The following SLC6A6 variants were observed in gnomAD, a reference collection of about 807,000 sequenced individuals.
The protein encoded by SLC6A6 is solute carrier family 6 member 6, also known as sodium- and chloride-dependent taurine transporter.
A neutral mutation model predicts 68.8 loss-of-function variants in SLC6A6; 16 were observed. The observed-to-expected ratio is 0.23, with a 90% CI of 0.16 to 0.35. The LOEUF (loss-of-function observed/expected upper bound fraction) is 0.35, where lower values mean the gene tolerates loss of function less well. Ranked by LOEUF, SLC6A6 falls within the 10% of genes least tolerant of loss-of-function variation. SLC6A6 has a pLI of 1.00. For synonymous variants in SLC6A6, 312 were observed against 315.4 expected (o/e 0.99, Z 0.12); for missense variants, 474 against 802.8 (o/e 0.59, Z 4.95).
At chr3:14,458,124 G>A (rs371021588) in intron 6 of SLC6A6, 42 bp downstream of exon 6, 2 of 1,596,142 alleles carry the variant, frequency 1.3e-6, no homozygotes, top group Non-Finnish European at 1.7e-6. Flanking sequence ...CTGGAGAGCT[G>A]TGCCAGGCTG....
At chr3:14,412,538 G>A (rs1000041706) in intron 1 of SLC6A6, among the ~76,000 whole-genome samples, 3 of 152,158 alleles carry the variant, frequency 2.0e-5, no homozygotes, top group Non-Finnish European at 4.4e-5. Context: ...AATTCGCCGG[G>A]TGTGGTGGCA....
rs1307452400 is a variant in SLC6A6, at chr3:14,425,317, G to A, written c.-12+8864G>A. On this transcript the variant is annotated intron_variant, in intron 2 of 14. Transcript: ENST00000622186. ...ACATAGGTGATGCAGCATAGGCAAA[G>A]GGTGGAACTAGGCAAACCTTATTTG... Among the ~76,000 whole-genome samples the A allele has an allele frequency of 5.9e-5, 9 of 152,178 alleles. No individual in the cohort carries two copies. The East Asian group carries it at 1.7e-3, about 29-fold the overall frequency.
At chr3:14,411,507 G>A (rs148612741) in intron 1 of SLC6A6, among the ~76,000 whole-genome samples, 6 of 152,320 alleles carry the variant, frequency 3.9e-5, no homozygotes, top group East Asian at 3.9e-4. Flanking sequence ...ACTTCAGCTC[G>A]CCCTGCTCTG....
intron 2 of SLC6A6, among the ~76,000 whole-genome samples, chr3:14,439,165 G>A (rs1162862211): frequency 1.3e-5 from 2 of 152,240 alleles, no homozygotes. Context: ...TGGGAACTCT[G>A]GCCTTGAGCC....
intron 9 of SLC6A6, among the ~76,000 whole-genome samples, chr3:14,471,223 A>C (rs9826660): frequency 0.12 from 17,154 of 138,336 alleles, 1,572 homozygotes; most frequent in African/African-American, 0.27. Flanking sequence ...CAATTAAATT[A>C]TTTCCGTTGG....
intron 7 of SLC6A6, 107 bp downstream of exon 7, chr3:14,466,757 C>T (rs1050887655): frequency 8.9e-7 from 1 of 1,121,440 alleles, no homozygotes; most frequent in Non-Finnish European, 1.2e-6. Flanking sequence ...CGTGGTTCTT[C>T]AGTGCACAGG....
intron 7 of SLC6A6, among the ~76,000 whole-genome samples, chr3:14,466,901 A>G (rs1399468842): frequency 6.6e-6 from 1 of 152,140 alleles, no homozygotes; most frequent in Non-Finnish European, 1.5e-5. Context: ...GGCCACTTAG[A>G]GAGGCTGCTT....
chr3:14,438,355 A>G (rs1013837495), intron 2 of SLC6A6, among the ~76,000 whole-genome samples: 1 of 152,106 alleles, frequency 6.6e-6, no homozygotes, highest in Non-Finnish European at 1.5e-5. Context: ...AAGCGGAGGC[A>G]CAGAGAGGTT....
intron 1 of SLC6A6, among the ~76,000 whole-genome samples, chr3:14,405,952 G>C (rs111506028): frequency 0.013 from 1,989 of 152,188 alleles, 23 homozygotes; most frequent in Admixed American, 0.027. Flanking sequence ...TGCAGTGAGG[G>C]TGGGGTAGTG....
At chr3:14,427,136 A>G (rs949296193) in intron 2 of SLC6A6, among the ~76,000 whole-genome samples, 1 of 152,140 alleles carries the variant, frequency 6.6e-6, no homozygotes, top group Admixed American at 6.5e-5. Context: ...TCTGTGCCTC[A>G]GAGTAGAAGC....
At chr3:14,410,140 G>T (rs924762182) in intron 1 of SLC6A6, among the ~76,000 whole-genome samples, 16 of 134,014 alleles carry the variant, frequency 1.2e-4, no homozygotes, top group African/African-American at 4.4e-4. Flanking sequence ...TCTCGCTACT[G>T]CCCTCCATCC....
chr3:14,444,344 A>G (rs1700063377), intron 3 of SLC6A6: 1 of 194,746 alleles, frequency 5.1e-6, no homozygotes, highest in Non-Finnish European at 1.1e-5. Flanking sequence ...TCATGCTCCA[A>G]AGGTATCCAG....
chr3:14,472,494 C>G lies in SLC6A6; in HGVS notation c.1209+177C>G, dbSNP rs902510014. Among the ~76,000 whole-genome samples, 1 of 152,168 alleles carries G rather than the reference C, an allele frequency of 6.6e-6. No homozygotes were observed. Among genetic ancestry groups the G allele is most frequent in the African/African-American group, 2.4e-5 (1 of 41,434 alleles). On this transcript the variant is annotated intron_variant, in intron 10 of 14. Transcript: ENST00000622186. The surrounding 1 kb of genome is among the most constrained non-coding windows in gnomAD (Gnocchi z 4.5). ...AGGAATAGAAAAAGCTCTGCGTCCC[C>G]AGAAAGTGCATTTGAACAAGATAAT...
intron 1 of SLC6A6, among the ~76,000 whole-genome samples, chr3:14,413,196 C>T (rs574663520): frequency 6.6e-6 from 1 of 152,338 alleles, no homozygotes; most frequent in Non-Finnish European, 1.5e-5. Context: ...GGAAAACCAG[C>T]CTGGAGCCTG....
rs200172351 is a variant in SLC6A6 at position 14,485,024 on chromosome 3, G to A, written c.*17G>A. The A allele has an allele frequency of 3.0e-5, 48 of 1,592,046 alleles. No individual in the cohort carries two copies. Among genetic ancestry groups the A allele is most frequent in the East Asian group, 4.5e-5 (2 of 44,132 alleles). ...ATGATGTGAGCTCTCTCGGGTCGAC[G>A]GGGCCGGCGGCTTTCCTGCTGTTTA... On this transcript the variant is annotated 3_prime_UTR_variant, in exon 15 of 15. Coordinates refer to ENST00000622186, the MANE Select transcript of SLC6A6 (RefSeq NM_003043.6).
chr3:14,429,413 T>A (rs962394043), intron 2 of SLC6A6, among the ~76,000 whole-genome samples: 1 of 152,212 alleles, frequency 6.6e-6, no homozygotes, highest in Non-Finnish European at 1.5e-5. Context: ...GTTGGGATGA[T>A]CCTGGACTTA....
At chr3:14,425,434 C>T (rs1426909571) in intron 2 of SLC6A6, among the ~76,000 whole-genome samples, 9 of 151,856 alleles carry the variant, frequency 5.9e-5, no homozygotes, top group South Asian at 2.1e-4. Context: ...CACACATTGT[C>T]GGGAGGAATT....
At chr3:14,446,419 G>A (rs780648595) in intron 4 of SLC6A6, among the ~76,000 whole-genome samples, 2 of 152,166 alleles carry the variant, frequency 1.3e-5, no homozygotes, top group South Asian at 2.1e-4. Context: ...CACAAGGGGC[G>A]GGGAGCAAGG....
rs114013435 is a variant in SLC6A6 at position 14,479,724 on chromosome 3, T to C, written c.1551+539T>C. On this transcript the variant is annotated intron_variant, in intron 13 of 14. Transcript: ENST00000622186. ...ACTCACCCAGGCCCAAGGGTATCAG[T>C]GTGCCACGTTGTTCTTCCCACGAGG... Among the ~76,000 whole-genome samples, 427 of 152,282 alleles carry C rather than the reference T, an allele frequency of 2.8e-3. 2 individuals are homozygous for C. Among genetic ancestry groups the C allele is most frequent in the Non-Finnish European group, 4.5e-3 (304 of 68,010 alleles).
Sources: allele counts gnomAD v4.1 joint callset (sites outside exome capture counted in the v4.1 genomes callset), GRCh38; gene constraint gnomAD v4.1.1; non-coding constraint Gnocchi (gnomAD v3.1); transcripts MANE v1.5; gene names NCBI Gene and HGNC (gene_info 2026-07-23, HGNC 2026-07-21).